SLC39A9: variants seen among roughly 807,000 people sequenced by gnomAD.
SLC39A9 encodes zinc transporter ZIP9.
In SLC39A9, 14 loss-of-function variants were observed where a neutral mutation model predicts 28.4. The ratio of observed to expected loss-of-function variants is 0.49; its 90% CI spans 0.33 to 0.77. The LOEUF is 0.77. Among genes scored for constraint, SLC39A9 ranks in the 30% least tolerant of loss-of-function variants. The probability of loss-of-function intolerance (pLI) is 0.02; values close to 1 mark genes in which losing one functional copy is unlikely to be tolerated. For missense variants in SLC39A9, 283 were observed against 381.1 expected, an observed-to-expected ratio of 0.74 and a Z score of 2.14; for synonymous variants, 119 against 149.6, an observed-to-expected ratio of 0.80 and a Z score of 1.49.
chr14:69,441,798 CT>C (rs747484273), intron 2 of SLC39A9: 48 of 1,140,196 alleles, frequency 4.2e-5, no homozygotes, highest in Non-Finnish European at 5.1e-5. Flanking sequence ...AATATGATTG[CT>C]TTCTTGCATG....
intron 1 of SLC39A9, 47 bp downstream of exon 1, chr14:69,399,512 T>C: frequency 4.0e-6 from 6 of 1,484,034 alleles, no homozygotes; most frequent in Non-Finnish European, 5.6e-6. Context: ...GGCTGTGAGA[T>C]AGTAGTTTTA....
chr14:69,446,047 T>A (rs1350126104), intron 3 of SLC39A9, among the ~76,000 whole-genome samples: 3 of 149,446 alleles, frequency 2.0e-5, no homozygotes, highest in African/African-American at 7.5e-5. Flanking sequence ...GTTGTTGTTG[T>A]TTGTAATGGA....
intron 1 of SLC39A9, among the ~76,000 whole-genome samples, chr14:69,421,883 G>A (rs557117232): frequency 7.6e-4 from 116 of 152,208 alleles, no homozygotes; most frequent in Non-Finnish European, 1.3e-3. Flanking sequence ...GGGTGGCAAT[G>A]TCCCGATTTT....
chr14:69,418,779 T>C (rs1300879158), intron 1 of SLC39A9, among the ~76,000 whole-genome samples: 1 of 152,218 alleles, frequency 6.6e-6, no homozygotes, highest in Non-Finnish European at 1.5e-5. Context: ...CTTCTAGATT[T>C]TCTAGTTTAT....
intron 2 of SLC39A9, among the ~76,000 whole-genome samples, chr14:69,440,440 G>A (rs1054443813): frequency 6.6e-6 from 1 of 152,084 alleles, no homozygotes; most frequent in African/African-American, 2.4e-5. Flanking sequence ...ATAAAAATTA[G>A]CAGGACTTGG....
intron 2 of SLC39A9, among the ~76,000 whole-genome samples, chr14:69,438,508 T>G (rs770853829): frequency 6.6e-6 from 1 of 152,204 alleles, no homozygotes; most frequent in Non-Finnish European, 1.5e-5. Flanking sequence ...TATTAAATAC[T>G]AATTAATGTA....
chr14:69,436,892 C>T (rs1333996726), intron 2 of SLC39A9, among the ~76,000 whole-genome samples: 1 of 152,204 alleles, frequency 6.6e-6, no homozygotes, highest in African/African-American at 2.4e-5. Flanking sequence ...GCAGAAAAGG[C>T]AGAACAGCAT....
rs1184616259 is a variant in SLC39A9, at chr14:69,459,438, A to G, written c.*845A>G. Reference sequence around the variant, plus strand: ...TTTCCTTCAAGAACAGTCAGATCACAAAGTGTCTTTGGAAATTAAGGGATA... The same window carrying G: ...TTTCCTTCAAGAACAGTCAGATCACGAAGTGTCTTTGGAAATTAAGGGATA... On this transcript the variant is annotated 3_prime_UTR_variant, in exon 7 of 7. Transcript: ENST00000336643. The G allele has an allele frequency of 8.1e-6, 8 of 985,344 alleles. No homozygotes were observed. The East Asian group carries it at 5.7e-4, about 70-fold the overall frequency. The allele number at this position is 985,344 out of a possible 1,614,324, so 61.0% of individuals were successfully genotyped here. A position where few individuals can be genotyped will look rare whatever the true frequency, so the allele number is the denominator to read the frequency against.
intron 2 of SLC39A9, among the ~76,000 whole-genome samples, chr14:69,425,699 A>G (rs749628261): frequency 6.6e-6 from 1 of 151,348 alleles, no homozygotes; most frequent in Non-Finnish European, 1.5e-5. Flanking sequence ...ACATGGTCTC[A>G]CTCTGTCGCC....
At chr14:69,440,393 G>C (rs1364852206) in intron 2 of SLC39A9, among the ~76,000 whole-genome samples, 1 of 151,874 alleles carries the variant, frequency 6.6e-6, no homozygotes, top group Non-Finnish European at 1.5e-5. Context: ...AGACCAGCCT[G>C]GGCAACATGG....
In SLC39A9 at chr14:69,461,354, A is replaced by T; in HGVS notation, c.*2761A>T. 2 of 1,111,544 alleles carry T rather than the reference A, an allele frequency of 1.8e-6. No individual in the cohort carries two copies. The highest frequency in any genetic ancestry group is 2.2e-6 in the Non-Finnish European group (2 of 905,066). 68.9% of individuals were successfully genotyped at this position (1,111,544 alleles called of 1,614,324 possible). On this transcript the variant is annotated 3_prime_UTR_variant, in exon 7 of 7. Coordinates refer to ENST00000336643, the MANE Select transcript of SLC39A9 (RefSeq NM_018375.5). ...CTCCAGTTAATTGCTTGTCAGTTCC[A>T]TTTCAAGAAAGCAGTGATGTTCCAG...
chr14:69,409,505 T>C (rs1883130510), intron 1 of SLC39A9, among the ~76,000 whole-genome samples: 1 of 149,696 alleles, frequency 6.7e-6, no homozygotes, highest in Non-Finnish European at 1.5e-5. Flanking sequence ...GCCCAGCTAA[T>C]TTTTGTATTT....
At chr14:69,414,682 T>C (rs1883472190) in intron 1 of SLC39A9, among the ~76,000 whole-genome samples, 1 of 152,202 alleles carries the variant, frequency 6.6e-6, no homozygotes, top group African/African-American at 2.4e-5. Context: ...TTAATATAGG[T>C]TGATGAATTT....
At chr14:69,419,296 T>C (rs1478663917) in intron 1 of SLC39A9, among the ~76,000 whole-genome samples, 1 of 152,218 alleles carries the variant, frequency 6.6e-6, no homozygotes, top group Non-Finnish European at 1.5e-5. Flanking sequence ...TCAGTTTCCA[T>C]GTAGTTGTGC....
In SLC39A9 at chr14:69,423,169, TATAA is replaced by T. The variant is rs1258134517; in HGVS notation, c.97-921_97-918del. On this transcript the variant is annotated intron_variant, in intron 1 of 6. Transcript: ENST00000336643. ...AATGTTTAATATAACTTGTTCTACTTATAAATATTTTTTATAAATATGAGATTAT... is the reference window on the plus strand; with the variant it reads ...AATGTTTAATATAACTTGTTCTACTTATATTTTTTATAAATATGAGATTAT... Among the ~76,000 whole-genome samples the T allele has an allele frequency of 2.0e-5, 3 of 152,362 alleles. No homozygotes were observed. The South Asian group carries it at 6.2e-4, about 32-fold the overall frequency.
At chr14:69,432,964 T>C (rs1884569980) in intron 2 of SLC39A9, among the ~76,000 whole-genome samples, 1 of 152,206 alleles carries the variant, frequency 6.6e-6, no homozygotes, top group Non-Finnish European at 1.5e-5. Context: ...AATCAGGTAA[T>C]GTGTTGCCTC....
intron 3 of SLC39A9, among the ~76,000 whole-genome samples, chr14:69,445,638 G>A (rs549731362): frequency 2.0e-5 from 3 of 152,070 alleles, no homozygotes; most frequent in Non-Finnish European, 2.9e-5. Flanking sequence ...GTGGTCAAGT[G>A]TATCTACTTA....
chr14:69,411,341 A>G (rs1390105788), intron 1 of SLC39A9, among the ~76,000 whole-genome samples: 1 of 152,196 alleles, frequency 6.6e-6, no homozygotes, highest in Non-Finnish European at 1.5e-5. Context: ...GAAATATTAA[A>G]CTGACTTCAA....
At chr14:69,453,171 C>T in intron 3 of SLC39A9, 70 bp from the exon 4 acceptor site, 1 of 1,361,626 alleles carries the variant, frequency 7.3e-7, no homozygotes, top group Admixed American at 1.7e-5. Context: ...AATTCTTTCA[C>T]CTCCAGACCA....
Sources: allele counts gnomAD v4.1 joint callset (sites outside exome capture counted in the v4.1 genomes callset), GRCh38; gene constraint gnomAD v4.1.1; transcripts MANE v1.5; gene names NCBI Gene and HGNC (gene_info 2026-07-23, HGNC 2026-07-21).